The following PLXNA4 variants were observed in gnomAD, a reference collection of about 807,000 sequenced individuals.
PLXNA4 encodes plexin-A4.
In PLXNA4, 44 loss-of-function variants were observed where a neutral mutation model predicts 191.8. The ratio of observed to expected loss-of-function variants is 0.23; its 90% confidence interval spans 0.18 to 0.29. The LOEUF is 0.29. Ranked by LOEUF, PLXNA4 falls within the 10% of genes least tolerant of loss-of-function variation. The pLI, the probability that PLXNA4 is intolerant of heterozygous loss-of-function variation, is 1.00. For synonymous variants in PLXNA4, 1,082 were observed against 1,009.5 expected (o/e 1.07, Z -1.36); for missense variants, 1,800 against 2,488.8 (o/e 0.72, Z 5.89).
intron 1 of PLXNA4, among the ~76,000 whole-genome samples, chr7:132,553,450 T>C (rs1800654924): frequency 6.6e-6 from 1 of 151,958 alleles, no homozygotes; most frequent in Non-Finnish European, 1.5e-5. Context: ...CCTGACAGGG[T>C]ACATGAAAAT....
At chr7:132,182,211 A>T (rs1445122957) in intron 16 of PLXNA4, 21 bp from the exon 17 acceptor site, 2 of 1,613,406 alleles carry the variant, frequency 1.2e-6, no homozygotes, top group Admixed American at 3.3e-5. Flanking sequence ...AGAAAGAAGG[A>T]GATGTGTAAA....
At chr7:132,388,763 T>C (rs575921685) in intron 3 of PLXNA4, among the ~76,000 whole-genome samples, 43 of 152,330 alleles carry the variant, frequency 2.8e-4, no homozygotes, top group South Asian at 6.2e-4. Flanking sequence ...CTTTGGGTTG[T>C]AGAATTCAGG....
intron 3 of PLXNA4, among the ~76,000 whole-genome samples, chr7:132,421,273 T>A (rs1794841837): frequency 6.6e-6 from 1 of 152,206 alleles, no homozygotes; most frequent in Non-Finnish European, 1.5e-5. Context: ...TGTCAGAATG[T>A]CCTTCTTTTT....
chr7:132,384,954 T>C, intron 3 of PLXNA4: 1 of 1,336,170 alleles, frequency 7.5e-7, no homozygotes, highest in Non-Finnish European at 9.6e-7. Context: ...CACTCCATTG[T>C]CCAAAATTAC....
In PLXNA4 at chr7:132,359,896, G is replaced by C. The variant is rs117402916; in HGVS notation, c.1372-61674C>G. On this transcript the variant is annotated intron_variant, in intron 3 of 31. Transcript: ENST00000321063. ...CCTGAAAAATACCTTATCCCCTTGGGAGCAGTGACCTAATCAAGATGGCAT... is the reference window on the plus strand; with the variant it reads ...CCTGAAAAATACCTTATCCCCTTGGCAGCAGTGACCTAATCAAGATGGCAT... Among the ~76,000 whole-genome samples, 1,168 of 152,256 alleles carry C rather than the reference G, an allele frequency of 7.7e-3. 8 individuals carry two copies. The highest frequency in any genetic ancestry group is 0.017 in the Admixed American group (260 of 15,302).
At chr7:132,522,392 G>A (rs1799225585) in intron 1 of PLXNA4, among the ~76,000 whole-genome samples, 1 of 152,200 alleles carries the variant, frequency 6.6e-6, no homozygotes, top group Non-Finnish European at 1.5e-5. Flanking sequence ...TTGGATGTCA[G>A]AGAATCTCAT....
At chr7:132,230,533 C>A (rs1798490068) in intron 5 of PLXNA4, among the ~76,000 whole-genome samples, 1 of 152,212 alleles carries the variant, frequency 6.6e-6, no homozygotes, top group Non-Finnish European at 1.5e-5. Flanking sequence ...AGTGTGGTCA[C>A]CCCCGTGGCA....
At chr7:132,512,669 C>G (rs1327029887) in intron 1 of PLXNA4, among the ~76,000 whole-genome samples, 1 of 152,134 alleles carries the variant, frequency 6.6e-6, no homozygotes, top group African/African-American at 2.4e-5. Context: ...GAGGTGACAC[C>G]CCGCCGAGCT....
intron 14 of PLXNA4, among the ~76,000 whole-genome samples, chr7:132,191,182 A>G (rs1361950291): frequency 6.6e-6 from 1 of 152,180 alleles, no homozygotes; most frequent in African/African-American, 2.4e-5. Context: ...GGCGGCTGAC[A>G]TGATGGTAGA....
chr7:132,428,030 G>C (rs1795115926), intron 3 of PLXNA4, among the ~76,000 whole-genome samples: 1 of 152,126 alleles, frequency 6.6e-6, no homozygotes, highest in African/African-American at 2.4e-5. Flanking sequence ...CGAGGCATGG[G>C]GGAGGGGAGG....
At chr7:132,636,662 TGGA>T (rs199901592) in intron 2 of PLXNA4, among the ~76,000 whole-genome samples, 125 of 152,256 alleles carry the variant, frequency 8.2e-4, no homozygotes, top group African/African-American at 2.7e-3. Context: ...CGTAAAGCCT[TGGA>T]AGGTCAGATT....
rs945646237 is a variant in PLXNA4 at position 132,612,931 on chromosome 7, G to A, written c.-87+32997C>T. On this transcript the variant is annotated intron_variant, in intron 2 of 4. Transcript: ENST00000378539. ...AAATGAGATTATACACATGATCTTC[G>A]TAAGAATATATATACATTTACTACA... Among the ~76,000 whole-genome samples the A allele has an allele frequency of 1.9e-4, 29 of 151,920 alleles. No individual in the cohort carries two copies. The East Asian group carries it at 1.9e-3, about 10-fold the overall frequency.
At chr7:132,154,075 C>G (rs1795722702) in intron 25 of PLXNA4, among the ~76,000 whole-genome samples, 2 of 152,180 alleles carry the variant, frequency 1.3e-5, no homozygotes, top group African/African-American at 4.8e-5. Flanking sequence ...GGACCTCCAC[C>G]CCTGCCACCT....
At chr7:132,459,612 T>C (rs1796428426) in intron 3 of PLXNA4, among the ~76,000 whole-genome samples, 1 of 152,244 alleles carries the variant, frequency 6.6e-6, no homozygotes. Context: ...CCTGCTCCCC[T>C]AGATATTCAG....
intron 3 of PLXNA4, among the ~76,000 whole-genome samples, 176 bp from the exon 4 acceptor site, chr7:132,298,398 G>T (rs1366714827): frequency 2.0e-5 from 3 of 152,250 alleles, no homozygotes; most frequent in African/African-American, 7.2e-5. Flanking sequence ...GCCTCAGGAT[G>T]GGAGTGGCAG....
chr7:132,385,084 A>G, intron 3 of PLXNA4: 2 of 1,543,832 alleles, frequency 1.3e-6, no homozygotes, highest in Non-Finnish European at 8.7e-7. Context: ...GCTATGATGT[A>G]TGGCTGGGGT....
intron 3 of PLXNA4, among the ~76,000 whole-genome samples, chr7:132,327,056 AGGAG>A (rs1802395933): frequency 6.9e-6 from 1 of 145,754 alleles, no homozygotes; most frequent in Non-Finnish European, 1.5e-5. Flanking sequence ...GAGAGAAGAA[AGGAG>A]GGAGGGAGAG....
intron 4 of PLXNA4, among the ~76,000 whole-genome samples, chr7:132,245,974 C>A (rs1332142323): frequency 6.6e-6 from 1 of 152,188 alleles, no homozygotes; most frequent in East Asian, 1.9e-4. Context: ...CAAAGACTTT[C>A]TGTTTGAGCA....
At chr7:132,264,696 T>C (rs1799781410) in intron 4 of PLXNA4, among the ~76,000 whole-genome samples, 1 of 151,492 alleles carries the variant, frequency 6.6e-6, no homozygotes, top group Non-Finnish European at 1.5e-5. Context: ...TTTTTTTTTT[T>C]TTTTTTCTTT....
Sources: allele counts gnomAD v4.1 joint callset (sites outside exome capture counted in the v4.1 genomes callset), GRCh38; gene constraint gnomAD v4.1.1; transcripts MANE v1.5; gene names NCBI Gene and HGNC (gene_info 2026-07-23, HGNC 2026-07-21).